Variants in PTBP2 observed in about 807,000 individuals in gnomAD.
The protein encoded by PTBP2 is polypyrimidine tract-binding protein 2.
Under a neutral mutation model 61.4 loss-of-function variants are expected in PTBP2, and 13 were observed. The observed-to-expected ratio is 0.21, with a 90% CI of 0.14 to 0.34. The LOEUF (loss-of-function observed/expected upper bound fraction) is 0.34. Ranked by LOEUF, PTBP2 falls within the 10% of genes least tolerant of loss-of-function variation. PTBP2 has a pLI of 1.00. For missense variants in PTBP2, 405 were observed against 642.6 expected, an observed-to-expected ratio of 0.63 and a Z score of 4.00; for synonymous variants, 215 against 218.5, an observed-to-expected ratio of 0.98 and a Z score of 0.14.
chr1:96,731,151 AT>A (rs1651351461), intron 2 of PTBP2, among the ~76,000 whole-genome samples: 1 of 152,338 alleles, frequency 6.6e-6, no homozygotes, highest in Admixed American at 6.5e-5. Flanking sequence ...ATCGATGGAC[AT>A]TTAGGTTTGA....
At chr1:96,731,855 C>A (rs1376337065) in intron 2 of PTBP2, among the ~76,000 whole-genome samples, 1 of 152,114 alleles carries the variant, frequency 6.6e-6, no homozygotes, top group African/African-American at 2.4e-5. Flanking sequence ...TTTCTGTACT[C>A]TTAACCATTT....
At chr1:96,755,136 T>C (rs1488437119) in intron 3 of PTBP2, among the ~76,000 whole-genome samples, 1 of 152,158 alleles carries the variant, frequency 6.6e-6, no homozygotes, top group Non-Finnish European at 1.5e-5. Context: ...ATTCAGTATA[T>C]GTAAAATCAG....
chr1:96,768,476 G>A (rs142189599), intron 3 of PTBP2, among the ~76,000 whole-genome samples: 286 of 151,974 alleles, frequency 1.9e-3, no homozygotes, highest in Non-Finnish European at 3.4e-3. Flanking sequence ...ACAAAATGGA[G>A]TATACATGTA....
intron 8 of PTBP2, among the ~76,000 whole-genome samples, chr1:96,790,939 C>T (rs1365979236): frequency 6.6e-6 from 1 of 151,676 alleles, no homozygotes; most frequent in Non-Finnish European, 1.5e-5. Flanking sequence ...GCCCATAAAA[C>T]AAAGACCAGG....
chr1:96,811,367 A>G (rs1662065932), intron 11 of PTBP2, among the ~76,000 whole-genome samples: 1 of 152,010 alleles, frequency 6.6e-6, no homozygotes. Flanking sequence ...TCTATTCTTA[A>G]TTTCCTGATC....
Sources: gnomAD v4.1 joint callset for allele counts (sites outside exome capture counted in the v4.1 genomes callset) on GRCh38, gnomAD v4.1.1 for gene constraint, MANE v1.5 for transcripts, NCBI Gene and HGNC (gene_info 2026-07-23, HGNC 2026-07-21) for gene names.